PCM1: variants seen among roughly 807,000 people sequenced by gnomAD.
PCM1 encodes the protein pericentriolar material 1.
Under a neutral mutation model 241.9 loss-of-function variants are expected in PCM1, and 157 were observed. The ratio of observed to expected loss-of-function variants is 0.65; its 90% CI spans 0.57 to 0.74. The LOEUF is 0.74. PCM1 is among the 30% of genes least tolerant of loss of function. PCM1 has a pLI of 0.00. For missense variants in PCM1, 3,478 were observed against 2,360.1 expected, an observed-to-expected ratio of 1.47 and a Z score of -9.81; for synonymous variants, 1,085 against 784.9, an observed-to-expected ratio of 1.38 and a Z score of -6.39.
chr8:17,965,952 A>G, intron 18 of PCM1, 47 bp from the exon 19 acceptor site: 1 of 1,430,396 alleles, frequency 7.0e-7, no homozygotes, highest in Non-Finnish European at 9.5e-7. Context: ...TATTTTAAAA[A>G]CCAAATTATT....
rs760934675 is a variant in PCM1 at position 17,989,908 on chromosome 8, A to G, written c.4460A>G (p.Gln1487Arg). The change falls in exon 27 of 39, where the codon CAA (glutamine) becomes CGA (arginine). Residue 1487 changes from glutamine to arginine, a missense_variant. Gln to Arg is a conservative substitution (Grantham distance 43). Coordinates refer to ENST00000325083, the MANE Select transcript of PCM1 (RefSeq NM_006197.4). ...AGAGAAACCCATAAAATAAGTGAGC[A>G]AAATGATGCTGATAATGCTAGTGTC... The part of the protein sequence containing the change: ...FERETHKISE[Q>R]NDADNASVLS... 1.3e-6 allele frequency: 2 copies of G among 1,547,006 alleles called. No homozygotes were observed. The highest frequency in any genetic ancestry group is 2.7e-5 in the African/African-American group (2 of 72,944).
rs552042283 is a variant in PCM1, at chr8:17,943,326, A to T, written c.783+3465A>T. Among the ~76,000 whole-genome samples, 2 of 152,196 alleles carry T rather than the reference A, an allele frequency of 1.3e-5. 1 individual carries two copies. The highest frequency in any genetic ancestry group is 1.3e-4 in the Admixed American group (2 of 15,284). On this transcript the variant is annotated intron_variant, in intron 6 of 38. Coordinates refer to ENST00000325083, the MANE Select transcript of PCM1 (RefSeq NM_006197.4). Reference sequence around the variant, plus strand: ...TAGTTATGGGAATCTTATTATATCAAATATCAAGTAAAATGTGCCCCAGTT... The same window carrying T: ...TAGTTATGGGAATCTTATTATATCATATATCAAGTAAAATGTGCCCCAGTT...
In PCM1 at chr8:18,001,896, A is replaced by G. The variant is rs1475903873; in HGVS notation, c.4828-4367A>G. Among the ~76,000 whole-genome samples the G allele has an allele frequency of 2.0e-5, 3 of 151,338 alleles. No individual in the cohort carries two copies. In the East Asian group the frequency reaches 5.9e-4, roughly 30 times the overall value. ...GAAAAAGTCAGCTGATCGTGTCCAG[A>G]TTATTCCATGTAAAAACAGAAACAC... On this transcript the variant is annotated intron_variant, in intron 29 of 38. Coordinates refer to ENST00000325083, the MANE Select transcript of PCM1 (RefSeq NM_006197.4).
chr8:17,947,681 C>CT (rs1451831236), intron 7 of PCM1, among the ~76,000 whole-genome samples: 1 of 152,088 alleles, frequency 6.6e-6, no homozygotes, highest in Admixed American at 6.6e-5. Flanking sequence ...CGTTTATTTC[C>CT]TTTTTTTCTA....
At chr8:17,966,649 T>A (rs996193698) in intron 20 of PCM1, among the ~76,000 whole-genome samples, 176 bp downstream of exon 20, 3 of 152,248 alleles carry the variant, frequency 2.0e-5, no homozygotes, top group Admixed American at 6.5e-5. Flanking sequence ...ACCATGGATT[T>A]CTGTTTTTAT....
At chr8:17,965,971 T>C in intron 18 of PCM1, 28 bp from the exon 19 acceptor site, 1 of 1,535,824 alleles carries the variant, frequency 6.5e-7, no homozygotes, top group Admixed American at 1.8e-5. Flanking sequence ...TTATGTATGA[T>C]GACTTAATGC....
rs775106170 is a variant in PCM1, at chr8:17,967,093, G to C, written c.3335G>C (p.Cys1112Ser). 2 of 1,608,034 alleles carry C rather than the reference G, an allele frequency of 1.2e-6. No individual in the cohort carries two copies. The highest frequency in any genetic ancestry group is 2.2e-5 in the South Asian group (2 of 89,776). ...CACCCTCCTTCTCCCAGTTTATTTT[G>C]TCCTTTCAGCTTTCCAACACAGCCT... ...ASHPPSPSLF[C>S]PFSFPTQPVN... The change falls in exon 21 of 39, where the codon TGT becomes TCT. Residue 1112 changes from cysteine to serine, a missense_variant. Transcript: ENST00000325083.
Position 17,986,026 on chromosome 8 carries a change from G to T in PCM1, c.4349G>T (p.Gly1450Val), listed in dbSNP as rs762828080. Residue 1450 changes from glycine to valine, a missense_variant, in exon 26 of 39, where the codon GGT (glycine) becomes GTT (valine). Transcript: ENST00000325083. ...KGENVKSVNS[G>V]TWIASNSELT... ...GAAAATGTAAAGTCAGTAAACTCTG[G>T]TACTTGGATAGCATCAAACTCAGAA... is the stretch of plus-strand genomic sequence containing the variant. 2 of 1,599,640 alleles carry T rather than the reference G, an allele frequency of 1.3e-6. No individual in the cohort carries two copies. Among genetic ancestry groups the T allele is most frequent in the South Asian group, 2.2e-5 (2 of 89,572 alleles).
At position 17,972,519 on chromosome 8, in the gene PCM1, G is replaced by A. The variant is rs1251001233; in HGVS notation, c.3775G>A (p.Glu1259Lys). ...RRRQFDEESL[E>K]SFSSMPDPVD... ...ACGCCAGTTTGATGAAGAATCACTG[G>A]AAAGCTTTAGCAGTATGCCTGATCC... Residue 1259 changes from glutamate to lysine, a missense_variant, in exon 23 of 39, where the codon GAA (glutamate) becomes AAA (lysine). Glu to Lys is a moderately conservative substitution (Grantham distance 56). Transcript: ENST00000325083. 2 of 1,613,786 alleles carry A rather than the reference G, an allele frequency of 1.2e-6. No homozygotes were observed. Among genetic ancestry groups the A allele is most frequent in the Non-Finnish European group, 1.7e-6 (2 of 1,179,830 alleles).
At chr8:17,956,935 A>G (rs1178137004) in intron 11 of PCM1, among the ~76,000 whole-genome samples, 158 bp downstream of exon 11, 1 of 152,236 alleles carries the variant, frequency 6.6e-6, no homozygotes, top group Non-Finnish European at 1.5e-5. Context: ...CTGTGAAGAA[A>G]GATGAATAGG....
chr8:17,985,966 T>C lies in PCM1; in HGVS notation c.4289T>C (p.Val1430Ala). 1 of 1,545,212 alleles carries C rather than the reference T, an allele frequency of 6.5e-7. No individual in the cohort carries two copies. Among genetic ancestry groups the C allele is most frequent in the Non-Finnish European group, 8.9e-7 (1 of 1,128,542 alleles). ...QRALYALQDI[V>A]SRHISESHEK... The stretch of plus-strand genomic sequence containing the variant: ...TCTTATTTTCTTATTTAGGACATAG[T>C]ATCCAGACATATTTCTGAGAGCCAT... Residue 1430 changes from valine to alanine, a missense_variant, in exon 26 of 39, where the codon GTA (valine) becomes GCA (alanine). Coordinates refer to ENST00000325083, the MANE Select transcript of PCM1 (RefSeq NM_006197.4).
At chr8:17,995,616 T>G (rs2086402524) in intron 29 of PCM1, among the ~76,000 whole-genome samples, 1 of 151,484 alleles carries the variant, frequency 6.6e-6, no homozygotes, top group South Asian at 2.1e-4. Context: ...TCATTGGTAT[T>G]TTGATCACAA....
chr8:17,965,492 T>G (rs183384076), intron 18 of PCM1, among the ~76,000 whole-genome samples: 19 of 152,230 alleles, frequency 1.2e-4, no homozygotes, highest in Admixed American at 1.1e-3. Context: ...GTTGTTCCAG[T>G]AGATCCAGGT....
intron 9 of PCM1, among the ~76,000 whole-genome samples, chr8:17,953,833 A>G (rs1412494545): frequency 6.9e-6 from 1 of 144,458 alleles, no homozygotes; most frequent in Non-Finnish European, 1.5e-5. Context: ...TCATATCCAA[A>G]TAGTAATAGA....
Position 17,939,873 on chromosome 8 carries a change from A to C in PCM1, c.783+12A>C. 1 of 1,397,436 alleles carries C rather than the reference A, an allele frequency of 7.2e-7. No homozygotes were observed. Among genetic ancestry groups the C allele is most frequent in the Non-Finnish European group, 9.8e-7 (1 of 1,020,232 alleles). The allele number at this position is 1,397,436 out of a possible 1,614,324, so 86.6% of individuals were successfully genotyped here. A position where few individuals can be genotyped will look rare whatever the true frequency, so the allele number is the denominator to read the frequency against. On this transcript the variant is annotated intron_variant, in intron 6 of 38. Coordinates refer to ENST00000325083, the MANE Select transcript of PCM1 (RefSeq NM_006197.4). Reference sequence around the variant, plus strand: ...TTAAAAAAATCCTTGTAAGTATTCGACTTTTAAAATAACATATTATTTTTG... The same window carrying C: ...TTAAAAAAATCCTTGTAAGTATTCGCCTTTTAAAATAACATATTATTTTTG...
chr8:17,930,206 C>G (rs918725435), intron 2 of PCM1, among the ~76,000 whole-genome samples: 1 of 151,448 alleles, frequency 6.6e-6, no homozygotes, highest in Non-Finnish European at 1.5e-5. Flanking sequence ...TGGGTTCACA[C>G]CATTCTGCCT....
intron 23 of PCM1, among the ~76,000 whole-genome samples, chr8:17,975,345 T>C (rs2078364159): frequency 1.3e-5 from 2 of 152,136 alleles, no homozygotes; most frequent in African/African-American, 2.4e-5. Flanking sequence ...GTATTTTTAG[T>C]AGAGACGGGG....
At chr8:17,997,005 T>G (rs2087067327) in intron 29 of PCM1, among the ~76,000 whole-genome samples, 1 of 152,242 alleles carries the variant, frequency 6.6e-6, no homozygotes, top group Non-Finnish European at 1.5e-5. Context: ...TTTTGTACCT[T>G]CAGACGATAT....
chr8:18,023,811 C>T (rs1485000028), intron 36 of PCM1, among the ~76,000 whole-genome samples: 1 of 152,210 alleles, frequency 6.6e-6, no homozygotes, highest in African/African-American at 2.4e-5. Context: ...CAGATGATTG[C>T]CATCAGGGAA....
Sources: gnomAD v4.1 joint callset for allele counts (sites outside exome capture counted in the v4.1 genomes callset) on GRCh38, gnomAD v4.1.1 for gene constraint, MANE v1.5 for transcripts, NCBI Gene and HGNC (gene_info 2026-07-23, HGNC 2026-07-21) for gene names.